Variants in MACF1 observed in about 807,000 individuals in gnomAD.
MACF1 encodes the protein microtubule-actin cross-linking factor 1.
MACF1 carries 193 observed loss-of-function variants against 854.8 expected under a neutral mutation model. That is an observed-to-expected ratio of 0.23 (90% confidence interval 0.20 to 0.25). MACF1 has a LOEUF of 0.25. Ranked by LOEUF, MACF1 falls within the 10% of genes least tolerant of loss-of-function variation. The pLI is 1.00. For synonymous variants in MACF1, 3,185 were observed against 3,226.7 expected, an observed-to-expected ratio of 0.99 and a Z score of 0.44; for missense variants, 7,722 against 8,929.1, an observed-to-expected ratio of 0.86 and a Z score of 5.45.
chr1:39,196,946 G>A (rs16825942), intron 2 of MACF1, among the ~76,000 whole-genome samples: 24,229 of 152,228 alleles, frequency 0.16, 2,398 homozygotes, highest in Middle Eastern at 0.22. Flanking sequence ...GAAGTTCTGA[G>A]TCTGTCTTCT....
chr1:39,256,953 C>A (rs889163106), intron 5 of MACF1, among the ~76,000 whole-genome samples: 14 of 151,060 alleles, frequency 9.3e-5, no homozygotes, highest in African/African-American at 3.4e-4. Flanking sequence ...AAAAAAGTGA[C>A]CCACAATACC....
chr1:39,455,445 C>G lies in MACF1; in HGVS notation c.21075+348C>G, dbSNP rs1644416942. On this transcript the variant is annotated intron_variant, in intron 89 of 100. Coordinates refer to ENST00000564288, the MANE Select transcript of MACF1 (RefSeq NM_001394062.1). ...AGGTCTCTACTTTCTTGCTGGCTCTCAGCTAGGAGTTGCTCTTGCCTTCTA... is the reference window on the plus strand; with the variant it reads ...AGGTCTCTACTTTCTTGCTGGCTCTGAGCTAGGAGTTGCTCTTGCCTTCTA... 2.0e-5 allele frequency among the ~76,000 whole-genome samples: 3 copies of G among 152,200 alleles called. No homozygotes were observed. The South Asian group carries it at 6.2e-4, about 32-fold the overall frequency.
intron 58 of MACF1, among the ~76,000 whole-genome samples, chr1:39,398,625 T>C (rs2148588761): frequency 6.6e-6 from 1 of 152,326 alleles, no homozygotes; most frequent in South Asian, 2.1e-4. Flanking sequence ...AGTTAACTGA[T>C]TAAATAGTTC....
At chr1:39,222,378 A>G (rs1033236136) in intron 1 of MACF1, among the ~76,000 whole-genome samples, 1 of 151,988 alleles carries the variant, frequency 6.6e-6, no homozygotes, top group African/African-American at 2.4e-5. Context: ...ACACACCTTA[A>G]CCTCTGAAAG....
intron 2 of MACF1, among the ~76,000 whole-genome samples, chr1:39,163,953 T>A (rs1278989016): frequency 6.6e-6 from 1 of 152,212 alleles, no homozygotes; most frequent in Non-Finnish European, 1.5e-5. Context: ...CATATTTTGC[T>A]GTATTTCTGT....
chr1:39,334,312 A>G lies in MACF1; in HGVS notation c.7724A>G (p.Gln2575Arg). Residue 2575 changes from glutamine to arginine, a missense_variant, in exon 37 of 101, where the codon CAG becomes CGG. Physicochemically the swap from Gln to Arg is conservative, Grantham distance 43. This residue lies in a region of MACF1 where 1,531 missense variants were observed against 1,601.6 expected (regional missense o/e 0.96). Transcript: ENST00000564288. ...ACCTCAGACCTGAAAAGAGAAATCC[A>G]GGAGGTTCAGGCCTTTACTGGAAAC... ...LITSDLKREIQEVQAFTGNFV... is the reference protein window; with the variant it reads ...LITSDLKREIREVQAFTGNFV... 5 of 1,614,170 alleles carry G rather than the reference A, an allele frequency of 3.1e-6. No individual in the cohort carries two copies. The highest frequency in any genetic ancestry group is 4.2e-6 in the Non-Finnish European group (5 of 1,179,996).
intron 6 of MACF1, among the ~76,000 whole-genome samples, chr1:39,277,487 A>C (rs888740967): frequency 6.6e-6 from 1 of 152,214 alleles, no homozygotes; most frequent in Non-Finnish European, 1.5e-5. Flanking sequence ...ATTCAGGAGG[A>C]CTACAGAGCT....
In MACF1 at chr1:39,343,518, A is replaced by C. The variant is rs61378567; in HGVS notation, c.10581+2565A>C. Reference sequence around the variant, plus strand: ...CAAGCATGAAAAAAATTACCATGACATAGTGTGAGATATAAAAACATAGAG... The same window carrying C: ...CAAGCATGAAAAAAATTACCATGACCTAGTGTGAGATATAAAAACATAGAG... On this transcript the variant is annotated intron_variant, in intron 40 of 100. Coordinates refer to ENST00000564288, the MANE Select transcript of MACF1 (RefSeq NM_001394062.1). Among the ~76,000 whole-genome samples the C allele has an allele frequency of 4.3e-3, 662 of 152,342 alleles. 5 individuals are homozygous for C. Among genetic ancestry groups the C allele is most frequent in the African/African-American group, 0.014 (600 of 41,580 alleles).
intron 58 of MACF1, among the ~76,000 whole-genome samples, chr1:39,418,573 A>C (rs189217069): frequency 6.6e-6 from 1 of 152,352 alleles, no homozygotes; most frequent in East Asian, 1.9e-4. Context: ...GGAAAAATGC[A>C]ATAACAAGGC....
intron 6 of MACF1, chr1:39,268,426 G>A (rs1645261803): frequency 3.2e-5 from 33 of 1,036,744 alleles, no homozygotes; most frequent in Non-Finnish European, 3.8e-5. Flanking sequence ...TCCGGTTTCT[G>A]TCTGCTTTTA....
At position 39,442,825 on chromosome 1, in the gene MACF1, C is replaced by A; in HGVS notation, c.19216C>A (p.Arg6406Ser). 6.2e-7 allele frequency: 1 copy of A among 1,614,054 alleles called. No homozygotes were observed. The highest frequency in any genetic ancestry group is 8.5e-7 in the Non-Finnish European group (1 of 1,179,976). ...AGATGATGCCAGCAGCTTAAGGAGC[C>A]GTTTGGAAGCCATGAACCAATGCTG... ...AGDDASSLRS[R>S]LEAMNQCWES... Residue 6406 changes from arginine to serine, a missense_variant, in exon 78 of 101, where the codon CGT becomes AGT. Physicochemically the swap from Arg to Ser is moderately radical, Grantham distance 110. This residue lies in a region of MACF1 where 729 missense variants were observed against 900.5 expected (regional missense o/e 0.81). Transcript: ENST00000564288.
At chr1:39,095,559 CT>C (rs1260225824) in intron 2 of MACF1, among the ~76,000 whole-genome samples, 3 of 64,594 alleles carry the variant, frequency 4.6e-5, no homozygotes, top group African/African-American at 7.6e-5. Context: ...GAGACTCTGT[CT>C]CAAAAAAAAA....
intron 2 of MACF1, among the ~76,000 whole-genome samples, chr1:39,181,188 G>A (rs775482890): frequency 2.6e-5 from 4 of 152,230 alleles, no homozygotes; most frequent in African/African-American, 4.8e-5. Context: ...GATTATAGGC[G>A]TGAGCCACTG....
intron 93 of MACF1, among the ~76,000 whole-genome samples, chr1:39,462,469 C>G (rs1644573885): frequency 6.6e-6 from 1 of 151,892 alleles, no homozygotes; most frequent in South Asian, 2.1e-4. Flanking sequence ...CTTTGGGAGG[C>G]CAACACGGGA....
intron 2 of MACF1, among the ~76,000 whole-genome samples, chr1:39,194,703 C>T (rs1644299793): frequency 6.8e-6 from 1 of 147,520 alleles, no homozygotes; most frequent in East Asian, 2.0e-4. Flanking sequence ...CCTCCCCTCC[C>T]TTCCCTTCTC....
At position 39,460,869 on chromosome 1, in the gene MACF1, C is replaced by A; in HGVS notation, c.21523+75C>A. 6.5e-7 allele frequency: 1 copy of A among 1,529,842 alleles called. No homozygotes were observed. Among genetic ancestry groups the A allele is most frequent in the South Asian group, 1.1e-5 (1 of 87,120 alleles). 94.8% of individuals were successfully genotyped at this position (1,529,842 alleles called of 1,614,324 possible). On this transcript the variant is annotated intron_variant, in intron 92 of 100. Coordinates refer to ENST00000564288, the MANE Select transcript of MACF1 (RefSeq NM_001394062.1). This position sits in a 1 kb window ranked among gnomAD's most constrained non-coding sequence, Gnocchi z 4.1. ...CTTTGTAGAAGCTGTGATATTCTAG[C>A]TAAACAGTCTTTCTGAAGCTGGCCA...
chr1:39,275,686 A>G (rs1305248562), intron 6 of MACF1, among the ~76,000 whole-genome samples: 1 of 152,220 alleles, frequency 6.6e-6, no homozygotes, highest in Non-Finnish European at 1.5e-5. Flanking sequence ...AATATTTTGT[A>G]GAGTTGAAAA....
At chr1:39,271,600 T>C (rs574057510) in intron 6 of MACF1, among the ~76,000 whole-genome samples, 1 of 152,342 alleles carries the variant, frequency 6.6e-6, no homozygotes, top group African/African-American at 2.4e-5. Context: ...AAGTCAACTT[T>C]TATCTTGTAA....
chr1:39,288,565 C>A (rs753373503), intron 15 of MACF1, among the ~76,000 whole-genome samples: 4 of 150,900 alleles, frequency 2.7e-5, no homozygotes, highest in Admixed American at 6.6e-5. Flanking sequence ...TTTGGGAGGC[C>A]GAGGTGGGCG....
Sources: allele counts gnomAD v4.1 joint callset (sites outside exome capture counted in the v4.1 genomes callset), GRCh38; gene constraint gnomAD v4.1.1; regional missense constraint gnomAD v4.1.1; non-coding constraint Gnocchi (gnomAD v3.1); transcripts MANE v1.5; gene names NCBI Gene and HGNC (gene_info 2026-07-23, HGNC 2026-07-21).